UBA3: variants seen among roughly 807,000 people sequenced by gnomAD.
UBA3 encodes ubiquitin like modifier activating enzyme 3, also known as NEDD8-activating enzyme E1 catalytic subunit.
UBA3 carries 26 observed loss-of-function variants against 73.5 expected under a neutral mutation model. The observed-to-expected ratio is 0.35, with a 90% confidence interval of 0.26 to 0.49. The LOEUF is 0.49. UBA3 is among the 20% of genes least tolerant of loss of function. The probability of loss-of-function intolerance (pLI) is 0.98; values close to 1 mark genes in which losing one functional copy is unlikely to be tolerated. For synonymous variants in UBA3, 217 were observed against 191.2 expected (o/e 1.13, Z -1.11); for missense variants, 495 against 555.6 (o/e 0.89, Z 1.10).
Position 69,056,798 on chromosome 3 carries a change from C to T in UBA3, c.982G>A (p.Val328Ile). ...TATTACCTTGTGGCTATTTTAAAAA[C>T]CTCAGTGGCACACACAGCTGAAGGG... is the stretch of plus-strand genomic sequence containing the variant. Reference protein sequence around the residue: ...AVIAAVCATEVFKIATSAYIP... With the variant: ...AVIAAVCATEIFKIATSAYIP... The change falls in exon 13 of 18, where the codon GTT becomes ATT. Residue 328 changes from valine (V) to isoleucine (I), a missense_variant. Transcript: ENST00000361055. 6.2e-7 allele frequency: 1 copy of T among 1,612,930 alleles called. No individual in the cohort carries two copies. Among genetic ancestry groups the T allele is most frequent in the Non-Finnish European group, 8.5e-7 (1 of 1,179,564 alleles).
chr3:69,062,117 A>G lies in UBA3; in HGVS notation c.756T>C (p.Tyr252=), dbSNP rs1387183689. Residue 252 remains tyrosine, a synonymous_variant, in exon 10 of 18, where the codon TAT becomes TAC. Transcript: ENST00000361055. ...MPRLPEHCIE[Y]VRMLQWPKEQ... ...CCTTAGGCCACTGCAACATCCTTACATACTCAATACAGTGTTCTGGTAGCC... is the reference window on the plus strand; with the variant it reads ...CCTTAGGCCACTGCAACATCCTTACGTACTCAATACAGTGTTCTGGTAGCC... 6.8e-6 allele frequency: 11 copies of G among 1,613,612 alleles called. No homozygotes were observed. The highest frequency in any genetic ancestry group is 2.2e-5 in the East Asian group (1 of 44,876).
At chr3:69,060,993 T>C (rs2092016695) in intron 11 of UBA3, among the ~76,000 whole-genome samples, 1 of 152,234 alleles carries the variant, frequency 6.6e-6, no homozygotes, top group Non-Finnish European at 1.5e-5. Flanking sequence ...ACCTCTTTCC[T>C]GAATAAATTA....
chr3:69,056,875 C>T, intron 12 of UBA3, 60 bp from the exon 13 acceptor site: 1 of 1,551,758 alleles, frequency 6.4e-7, no homozygotes. Flanking sequence ...TGTTAAAAGT[C>T]AGTTATAAAT....
Position 69,061,823 on chromosome 3 carries a change from G to T in UBA3, c.901C>A (p.Leu301Ile). The T allele has an allele frequency of 6.3e-7, 1 of 1,594,926 alleles. No individual in the cohort carries two copies. Among genetic ancestry groups the T allele is most frequent in the Non-Finnish European group, 8.5e-7 (1 of 1,170,756 alleles). ...QYNIRGVTYR[L>I]TQGVVKRIIP... ...CAATTTGCTGACTTACCTTGAGTGA[G>T]CCTATACGTAACACCCCTAATATTA... is the stretch of plus-strand genomic sequence containing the variant. Residue 301 changes from leucine to isoleucine, a missense_variant, in exon 11 of 18, where the codon CTC (leucine) becomes ATC (isoleucine). Leu to Ile is a conservative substitution (Grantham distance 5, BLOSUM62 2). Coordinates refer to ENST00000361055, the MANE Select transcript of UBA3 (RefSeq NM_003968.4).
chr3:69,062,917 T>TC, intron 9 of UBA3, 65 bp downstream of exon 9: 1 of 1,568,486 alleles, frequency 6.4e-7, no homozygotes, highest in Non-Finnish European at 8.7e-7. Flanking sequence ...TAACTAGACT[T>TC]AATAATTAAT....
intron 6 of UBA3, among the ~76,000 whole-genome samples, chr3:69,066,060 T>C (rs2092068737): frequency 1.3e-5 from 2 of 152,200 alleles, no homozygotes; most frequent in South Asian, 4.1e-4. Context: ...TGGCTTTTCT[T>C]CATCCGTTTA....
At chr3:69,060,414 G>C (rs886082638) in intron 11 of UBA3, among the ~76,000 whole-genome samples, 1 of 152,032 alleles carries the variant, frequency 6.6e-6, no homozygotes, top group South Asian at 2.1e-4. Flanking sequence ...CCAAAGTATA[G>C]CATCAATGTA....
Position 69,056,258 on chromosome 3 carries a change from A to T in UBA3, c.1109T>A (p.Leu370His). The change falls in exon 15 of 18, where the codon CTT (leucine) becomes CAT (histidine). Residue 370 changes from leucine to histidine, a missense_variant. Physicochemically the swap from Leu to His is moderately conservative, Grantham distance 99. Coordinates refer to ENST00000361055, the MANE Select transcript of UBA3 (RefSeq NM_003968.4). The stretch of plus-strand genomic sequence containing the variant: ...TGGAGAAAACTGAATATTTTGAGGA[A>T]GCTGGCTACAAGCTGGGCAGTTTTC... ...RKENCPACSQ[L>H]PQNIQFSPSA... The T allele has an allele frequency of 6.2e-7, 1 of 1,603,022 alleles. No individual in the cohort carries two copies. The highest frequency in any genetic ancestry group is 8.5e-7 in the Non-Finnish European group (1 of 1,176,960).
intron 12 of UBA3, among the ~76,000 whole-genome samples, 165 bp downstream of exon 12, chr3:69,057,091 T>C (rs919789817): frequency 6.6e-6 from 1 of 152,216 alleles, no homozygotes; most frequent in African/African-American, 2.4e-5. Context: ...TAAGACATAA[T>C]GTAAGACAAA....
chr3:69,066,700 G>C (rs1223366653), intron 6 of UBA3, among the ~76,000 whole-genome samples: 1 of 152,042 alleles, frequency 6.6e-6, no homozygotes, highest in African/African-American at 2.4e-5. Context: ...CCAAAGTGCT[G>C]GGATTACAGG....
rs977672528 is a variant in UBA3 at position 69,078,717 on chromosome 3, T to C, written c.63-799A>G. Among the ~76,000 whole-genome samples, 5 of 152,038 alleles carry C rather than the reference T, an allele frequency of 3.3e-5. No individual in the cohort carries two copies. The East Asian group carries it at 5.8e-4, about 18-fold the overall frequency. ...GAAACTCCTGAGCTCAAGTAATCCG[T>C]CCACCTCGGCCTCCCAAAGTGCTGG... On this transcript the variant is annotated intron_variant, in intron 2 of 17. Coordinates refer to ENST00000361055, the MANE Select transcript of UBA3 (RefSeq NM_003968.4).
At chr3:69,065,596 C>T (rs1238109400) in intron 6 of UBA3, among the ~76,000 whole-genome samples, 1 of 152,170 alleles carries the variant, frequency 6.6e-6, no homozygotes, top group African/African-American at 2.4e-5. Context: ...GCATGTGCCA[C>T]CATGCCCGGG....
rs1036325132 is a variant in UBA3 at position 69,062,139 on chromosome 3, A to C, written c.734T>G (p.Leu245Arg). The change falls in exon 10 of 18, where the codon CTA becomes CGA. Residue 245 changes from leucine (L) to arginine (R), a missense_variant. Leu to Arg is a moderately radical substitution (Grantham distance 102). Coordinates refer to ENST00000361055, the MANE Select transcript of UBA3 (RefSeq NM_003968.4). ...TACATACTCAATACAGTGTTCTGGT[A>C]GCCTGGGCATAGATGCAATGGTGCA... ...PMCTIASMPR[L>R]PEHCIEYVRM... The C allele has an allele frequency of 3.2e-5, 51 of 1,613,682 alleles. No homozygotes were observed. Among genetic ancestry groups the C allele is most frequent in the Non-Finnish European group, 4.2e-5 (50 of 1,179,790 alleles).
At chr3:69,069,967 A>T (rs1026714038) in intron 5 of UBA3, among the ~76,000 whole-genome samples, 4 of 152,206 alleles carry the variant, frequency 2.6e-5, no homozygotes, top group Admixed American at 2.0e-4. Flanking sequence ...ATGGCCTTTC[A>T]CACACATCAT....
At chr3:69,065,095 A>G (rs2092057544) in intron 6 of UBA3, among the ~76,000 whole-genome samples, 1 of 152,132 alleles carries the variant, frequency 6.6e-6, no homozygotes, top group African/African-American at 2.4e-5. Context: ...GTCAAAAAAG[A>G]AACAAAGCAA....
rs953598148 is a variant in UBA3 at position 69,055,168 on chromosome 3, G to C, written c.*269C>G. The C allele has an allele frequency of 4.0e-6, 1 of 246,958 alleles. No homozygotes were observed. The highest frequency in any genetic ancestry group is 2.2e-5 in the African/African-American group (1 of 44,792). 15.3% of individuals were successfully genotyped at this position (246,958 alleles called of 1,614,324 possible). A position where few individuals can be genotyped will look rare whatever the true frequency, so the allele number is the denominator to read the frequency against. ...TAACAAAATTCACACAAAAGAGGTT[G>C]TATGCTTCCTCCTCTAAAAGAAGCA... On this transcript the variant is annotated 3_prime_UTR_variant, in exon 18 of 18. Transcript: ENST00000361055.
At chr3:69,068,560 A>T (rs2092093716) in intron 5 of UBA3, among the ~76,000 whole-genome samples, 1 of 151,406 alleles carries the variant, frequency 6.6e-6, no homozygotes, top group Non-Finnish European at 1.5e-5. Context: ...AAAAAAAAAA[A>T]AGAGGCTGTA....
At chr3:69,064,441 A>C (rs573051181) in intron 6 of UBA3, among the ~76,000 whole-genome samples, 1 of 152,340 alleles carries the variant, frequency 6.6e-6, no homozygotes, top group East Asian at 1.9e-4. Flanking sequence ...TGTGTCCTCA[A>C]TCATCAGCAT....
chr3:69,074,930 G>A (rs2092152339), intron 4 of UBA3, among the ~76,000 whole-genome samples: 1 of 152,038 alleles, frequency 6.6e-6, no homozygotes, highest in African/African-American at 2.4e-5. Context: ...CTGATGACCT[G>A]GATTCAATTC....
Sources: gnomAD v4.1 joint callset for allele counts (sites outside exome capture counted in the v4.1 genomes callset) on GRCh38, gnomAD v4.1.1 for gene constraint, MANE v1.5 for transcripts, NCBI Gene and HGNC (gene_info 2026-07-23, HGNC 2026-07-21) for gene names.